The following ARHGEF18 variants were observed in gnomAD, a reference collection of about 807,000 sequenced individuals.
The protein encoded by ARHGEF18 is Rho/Rac guanine nucleotide exchange factor 18, also known as rho guanine nucleotide exchange factor 18.
A neutral mutation model predicts 155.7 loss-of-function variants in ARHGEF18; 93 were observed. The ratio of observed to expected loss-of-function variants is 0.60; its 90% CI spans 0.50 to 0.71. The LOEUF (loss-of-function observed/expected upper bound fraction) is 0.71. Among genes scored for constraint, ARHGEF18 ranks in the 30% least tolerant of loss-of-function variants. ARHGEF18 has a pLI of 0.00. For synonymous variants in ARHGEF18, 742 were observed against 753.1 expected (o/e 0.99, Z 0.24); for missense variants, 1,593 against 1,816.1 (o/e 0.88, Z 2.23).
chr19:7,442,153 CCTTCCTTCCTTCCTTCCTT>C (rs1379990008), intron 13 of ARHGEF18, 101 bp downstream of exon 13: 242 of 942,950 alleles, frequency 2.6e-4, no homozygotes, highest in Admixed American at 3.4e-4. Flanking sequence ...TTCCTTCCTT[CCTTCCTTCCTTCCTTCCTT>C]ATCTTTTTCT....
At chr19:7,373,985 T>C (rs956387245) in intron 3 of ARHGEF18, among the ~76,000 whole-genome samples, 2 of 151,184 alleles carry the variant, frequency 1.3e-5, no homozygotes, top group African/African-American at 2.4e-5. Flanking sequence ...AGTCTCAAAC[T>C]CCTGACCTCA....
At chr19:7,442,634 A>G (rs1974734892) in intron 13 of ARHGEF18, among the ~76,000 whole-genome samples, 1 of 152,230 alleles carries the variant, frequency 6.6e-6, no homozygotes, top group South Asian at 2.1e-4. Flanking sequence ...CCCTGTGAAC[A>G]TGTCTGGCTG....
intron 12 of ARHGEF18, 61 bp from the exon 13 acceptor site, chr19:7,441,851 G>A (rs1974666573): frequency 1.2e-6 from 2 of 1,613,040 alleles, no homozygotes; most frequent in East Asian, 2.2e-5. Flanking sequence ...CATGTCTACG[G>A]GAGGGAATTG....
chr19:7,373,039 A>G lies in ARHGEF18; in HGVS notation c.243A>G (p.Glu81=). 8.1e-7 allele frequency: 1 copy of G among 1,234,432 alleles called. No individual in the cohort carries two copies. Among genetic ancestry groups the G allele is most frequent in the Non-Finnish European group, 1.0e-6 (1 of 988,196 alleles). 76.5% of individuals were successfully genotyped at this position (1,234,432 alleles called of 1,614,324 possible). Residue 81 remains glutamate, a synonymous_variant, in exon 3 of 29, where the codon GAA becomes GAG. Transcript: ENST00000668164. ...ACCTGTCAAGGCGGCGCAGCTGGGA[A>G]AGGTCGCGGAGCTGCTCAGAGAGCT... ...SQDLSRRRSW[E]RSRSCSESWR...
intron 5 of ARHGEF18, 87 bp downstream of exon 5, chr19:7,376,844 T>C: frequency 1.0e-6 from 1 of 960,384 alleles, no homozygotes; most frequent in Non-Finnish European, 1.4e-6. Flanking sequence ...TGGGGTTTCA[T>C]CCTTCATCCT....
chr19:7,448,457 C>T lies in ARHGEF18; in HGVS notation c.1737+1289C>T, dbSNP rs373588322. On this transcript the variant is annotated intron_variant, in intron 15 of 28. Coordinates refer to ENST00000668164, the MANE Select transcript of ARHGEF18 (RefSeq NM_001367823.1). Reference sequence around the variant, plus strand: ...CGGGTGGATCACGAGGTCAGGAGATCGAGACCATCCTGGCTAACATGGTGA... The same window carrying T: ...CGGGTGGATCACGAGGTCAGGAGATTGAGACCATCCTGGCTAACATGGTGA... Among the ~76,000 whole-genome samples, 75 of 152,262 alleles carry T rather than the reference C, an allele frequency of 4.9e-4. No homozygotes were observed. In the East Asian group the frequency reaches 8.7e-3, roughly 18 times the overall value.
intron 18 of ARHGEF18, among the ~76,000 whole-genome samples, chr19:7,457,194 C>G (rs1975890268): frequency 1.3e-5 from 2 of 151,944 alleles, no homozygotes; most frequent in South Asian, 4.2e-4. Flanking sequence ...TTCTGAGGCC[C>G]CTTGGCTTGT....
chr19:7,432,878 G>A (rs1974041220), intron 10 of ARHGEF18, among the ~76,000 whole-genome samples: 2 of 152,228 alleles, frequency 1.3e-5, no homozygotes, highest in Admixed American at 6.5e-5. Flanking sequence ...GTCATATCAG[G>A]TCCGGGTACA....
At chr19:7,359,909 C>A (rs1969476332) in intron 1 of ARHGEF18, among the ~76,000 whole-genome samples, 1 of 152,136 alleles carries the variant, frequency 6.6e-6, no homozygotes, top group Non-Finnish European at 1.5e-5. Flanking sequence ...AATCCCAGCA[C>A]TTTGGGAGGC....
At chr19:7,459,106 G>A (rs1976035229) in intron 19 of ARHGEF18, among the ~76,000 whole-genome samples, 1 of 152,038 alleles carries the variant, frequency 6.6e-6, no homozygotes, top group East Asian at 1.9e-4. Flanking sequence ...GTGCAGTGAT[G>A]CAATCTCGGC....
chr19:7,405,030 T>A (rs1463804657), intron 10 of ARHGEF18, among the ~76,000 whole-genome samples: 1 of 152,054 alleles, frequency 6.6e-6, no homozygotes, highest in African/African-American at 2.4e-5. Context: ...TGATCTTGGC[T>A]CACTGCAACC....
chr19:7,359,258 C>T (rs1427976899), intron 1 of ARHGEF18, among the ~76,000 whole-genome samples: 1 of 152,132 alleles, frequency 6.6e-6, no homozygotes, highest in Non-Finnish European at 1.5e-5. Flanking sequence ...ACACCAACTC[C>T]AGGACAGAAG....
intron 1 of ARHGEF18, among the ~76,000 whole-genome samples, chr19:7,360,148 G>A (rs1451314907): frequency 6.6e-6 from 1 of 150,732 alleles, no homozygotes; most frequent in Non-Finnish European, 1.5e-5. Flanking sequence ...AGACTCTCTT[G>A]AAACAAAACA....
intron 1 of ARHGEF18, among the ~76,000 whole-genome samples, chr19:7,349,577 A>C (rs1383283106): frequency 6.6e-6 from 1 of 151,926 alleles, no homozygotes; most frequent in Non-Finnish European, 1.5e-5. Context: ...CAAGAGTTGG[A>C]GACCAGCCCG....
downstream of ARHGEF18, chr19:7,473,299 C>T (rs969467368): frequency 1.8e-4 from 83 of 455,982 alleles, no homozygotes; most frequent in Admixed American, 1.9e-3. Context: ...AACTCTCAGG[C>T]AGCACTGTCC....
rs1212446587 is a variant in ARHGEF18 at position 7,382,795 on chromosome 19, C to T, written c.726C>T (p.Ser242=). The change falls in exon 9 of 29, where the codon AGC becomes AGT. Residue 242 remains serine (S), a synonymous_variant. Coordinates refer to ENST00000668164, the MANE Select transcript of ARHGEF18 (RefSeq NM_001367823.1). Reference sequence around the variant, plus strand: ...GACCTTCCCTCTCGTCCCTCAGGAGCGAGGACGGTGCTGGCAAGAACGAGA... The same window carrying T: ...GACCTTCCCTCTCGTCCCTCAGGAGTGAGGACGGTGCTGGCAAGAACGAGA... The part of the protein sequence containing the change: ...NLTWFEFLSE[S]EDGAGKNEKS... 8 of 1,232,322 alleles carry T rather than the reference C, an allele frequency of 6.5e-6. No individual in the cohort carries two copies. Among genetic ancestry groups the T allele is most frequent in the Non-Finnish European group, 8.1e-6 (8 of 987,998 alleles). The allele number at this position is 1,232,322 out of a possible 1,614,324, so 76.3% of individuals were successfully genotyped here. A position where few individuals can be genotyped will look rare whatever the true frequency, so the allele number is the denominator to read the frequency against.
chr19:7,355,103 C>G (rs1463968609), intron 1 of ARHGEF18, among the ~76,000 whole-genome samples: 1 of 88,104 alleles, frequency 1.1e-5, no homozygotes, highest in Non-Finnish European at 2.5e-5. Flanking sequence ...CACACACACA[C>G]ACACACACAC....
intron 10 of ARHGEF18, among the ~76,000 whole-genome samples, chr19:7,431,829 C>T (rs1034345568): frequency 7.2e-5 from 11 of 152,212 alleles, no homozygotes; most frequent in Non-Finnish European, 1.3e-4. Flanking sequence ...AAAAGAAATA[C>T]TAAGTCCTCA....
rs1385203761 is a variant in ARHGEF18 at position 7,444,983 on chromosome 19, T to C, written c.1611+529T>C. ...GAGAGTGGCCCCTGAGGACACACAG[T>C]TCTGGGCCCCTTACAGCGATGCCTG... On this transcript the variant is annotated intron_variant, in intron 14 of 28. Coordinates refer to ENST00000668164, the MANE Select transcript of ARHGEF18 (RefSeq NM_001367823.1). This position sits in a 1 kb window ranked among gnomAD's most constrained non-coding sequence, Gnocchi z 4.7. Among the ~76,000 whole-genome samples, 1 of 152,198 alleles carries C rather than the reference T, an allele frequency of 6.6e-6. No homozygotes were observed. Among genetic ancestry groups the C allele is most frequent in the Non-Finnish European group, 1.5e-5 (1 of 68,044 alleles).
Sources: gnomAD v4.1 joint callset for allele counts (sites outside exome capture counted in the v4.1 genomes callset) on GRCh38, gnomAD v4.1.1 for gene constraint, Gnocchi (gnomAD v3.1) non-coding constraint, MANE v1.5 for transcripts, NCBI Gene and HGNC (gene_info 2026-07-23, HGNC 2026-07-21) for gene names.